AP3B1: variants seen among roughly 807,000 people sequenced by gnomAD.
The protein encoded by AP3B1 is AP-3 complex subunit beta-1.
In AP3B1, 61 loss-of-function variants were observed where a neutral mutation model predicts 132.5. The ratio of observed to expected loss-of-function variants is 0.46; its 90% CI spans 0.37 to 0.57. The LOEUF (loss-of-function observed/expected upper bound fraction) is 0.57. Ranked by LOEUF, AP3B1 falls within the 20% of genes least tolerant of loss-of-function variation. The pLI is 0.00. For missense variants in AP3B1, 1,120 were observed against 1,289.4 expected (o/e 0.87, Z 2.01); for synonymous variants, 388 against 438.3 (o/e 0.89, Z 1.43).
intron 17 of AP3B1, among the ~76,000 whole-genome samples, chr5:78,120,460 G>C (rs1752121426): frequency 6.6e-6 from 1 of 152,206 alleles, no homozygotes. Context: ...CTCACGTGGA[G>C]AGTCACACAT....
chr5:78,041,928 G>T, intron 22 of AP3B1: 1 of 203,176 alleles, frequency 4.9e-6, no homozygotes. Context: ...CTGAGACCAG[G>T]CTTTTCCCAT....
intron 25 of AP3B1, 53 bp from the exon 26 acceptor site, chr5:78,015,601 T>G: frequency 6.3e-7 from 1 of 1,598,376 alleles, no homozygotes; most frequent in East Asian, 2.2e-5. Context: ...GAAAATTACA[T>G]TTACAGAATT....
At position 78,120,657 on chromosome 5, in the gene AP3B1, T is replaced by C. The variant is rs1580373117; in HGVS notation, c.1969-4423A>G. Among the ~76,000 whole-genome samples, 3 of 152,032 alleles carry C rather than the reference T, an allele frequency of 2.0e-5. No homozygotes were observed. The South Asian group carries it at 6.2e-4, about 32-fold the overall frequency. ...AGAAGAGCTAACTATCCTAAATATATATGCACCCAATACAGGAGCACCCAG... is the reference window on the plus strand; with the variant it reads ...AGAAGAGCTAACTATCCTAAATATACATGCACCCAATACAGGAGCACCCAG... On this transcript the variant is annotated intron_variant, in intron 17 of 26. Transcript: ENST00000255194.
intron 17 of AP3B1, among the ~76,000 whole-genome samples, chr5:78,125,351 A>G (rs1561424871): frequency 6.6e-6 from 1 of 152,270 alleles, no homozygotes; most frequent in East Asian, 1.9e-4. Flanking sequence ...TTTGATTAAA[A>G]TATCAGATTA....
In AP3B1 at chr5:78,294,623, C is replaced by A; in HGVS notation, c.-44G>T. 1 of 1,612,652 alleles carries A rather than the reference C, an allele frequency of 6.2e-7. No homozygotes were observed. The highest frequency in any genetic ancestry group is 1.1e-5 in the South Asian group (1 of 91,076). ...TGCGGGGTTGGTCCTGCCGGGGGTTCTCTCCAAAAGGTTCCAGTCCAGAGG... is the reference window on the plus strand; with the variant it reads ...TGCGGGGTTGGTCCTGCCGGGGGTTATCTCCAAAAGGTTCCAGTCCAGAGG... On this transcript the variant is annotated 5_prime_UTR_variant, in exon 1 of 27. Coordinates refer to ENST00000255194, the MANE Select transcript of AP3B1 (RefSeq NM_003664.5).
intron 7 of AP3B1, among the ~76,000 whole-genome samples, chr5:78,193,771 T>TATATATATATA (rs1491367040): frequency 6.4e-5 from 5 of 78,084 alleles, no homozygotes; most frequent in Non-Finnish European, 1.3e-4. Flanking sequence ...TATATATATA[T>TATATATATATA]TTTTTTTTTA....
intron 15 of AP3B1, among the ~76,000 whole-genome samples, chr5:78,138,797 C>G (rs960330230): frequency 1.3e-5 from 2 of 151,596 alleles, no homozygotes; most frequent in African/African-American, 4.8e-5. Context: ...CACGGTGAAA[C>G]CTGTCTCTAC....
intron 26 of AP3B1, among the ~76,000 whole-genome samples, chr5:78,012,587 A>G (rs1746664627): frequency 6.6e-6 from 1 of 152,256 alleles, no homozygotes; most frequent in African/African-American, 2.4e-5. Flanking sequence ...GGACTTGAGA[A>G]GCAAGTTAAG....
chr5:78,205,336 T>G (rs1247403007), intron 7 of AP3B1, among the ~76,000 whole-genome samples: 1 of 151,954 alleles, frequency 6.6e-6, no homozygotes, highest in Admixed American at 6.6e-5. Context: ...GTATAAATCT[T>G]TTGCCTTTTA....
chr5:78,269,428 T>A lies in AP3B1; in HGVS notation c.129-1833A>T, dbSNP rs138049657. Among the ~76,000 whole-genome samples, 104 of 152,264 alleles carry A rather than the reference T, an allele frequency of 6.8e-4. 1 individual carries two copies. The East Asian group carries it at 0.018, about 27-fold the overall frequency. On this transcript the variant is annotated intron_variant, in intron 1 of 26. Transcript: ENST00000255194. ...TATATAACTGAACATTTAAGGCAAA[T>A]CTTACTATTACCAGGAAAGTCATTC...
intron 22 of AP3B1, among the ~76,000 whole-genome samples, chr5:78,084,744 A>C (rs1280992151): frequency 6.6e-6 from 1 of 152,030 alleles, no homozygotes; most frequent in Non-Finnish European, 1.5e-5. Flanking sequence ...AATTAAATAT[A>C]AAACATCCAT....
chr5:78,047,750 C>A (rs948991522), intron 22 of AP3B1, among the ~76,000 whole-genome samples: 3 of 152,194 alleles, frequency 2.0e-5, no homozygotes. Flanking sequence ...AGAAGTGATG[C>A]AAATGATGCT....
intron 12 of AP3B1, among the ~76,000 whole-genome samples, chr5:78,164,220 G>A (rs545145583): frequency 3.5e-4 from 53 of 151,968 alleles, no homozygotes; most frequent in African/African-American, 1.1e-3. Context: ...TACTAAAAGC[G>A]TAACTATGAG....
intron 14 of AP3B1, among the ~76,000 whole-genome samples, chr5:78,150,379 G>A (rs1753592205): frequency 6.6e-6 from 1 of 152,216 alleles, no homozygotes. Flanking sequence ...GATAGGGACA[G>A]AAAAGTATCC....
At chr5:78,085,842 T>C (rs1352600377) in intron 22 of AP3B1, among the ~76,000 whole-genome samples, 1 of 151,926 alleles carries the variant, frequency 6.6e-6, no homozygotes, top group Non-Finnish European at 1.5e-5. Flanking sequence ...TAATCTTACT[T>C]TGAAGAAAAA....
chr5:78,051,152 G>A (rs954483361), intron 22 of AP3B1, among the ~76,000 whole-genome samples: 2 of 152,090 alleles, frequency 1.3e-5, no homozygotes, highest in African/African-American at 2.4e-5. Context: ...GCAAATAAGC[G>A]TGGAATGAGA....
intron 14 of AP3B1, among the ~76,000 whole-genome samples, chr5:78,153,968 A>G (rs1194164001): frequency 1.3e-5 from 2 of 152,214 alleles, no homozygotes; most frequent in Non-Finnish European, 2.9e-5. Flanking sequence ...TATTCAAGAC[A>G]TGAGTACTTC....
chr5:78,071,034 T>C (rs906257471), intron 22 of AP3B1, among the ~76,000 whole-genome samples: 1 of 152,218 alleles, frequency 6.6e-6, no homozygotes, highest in African/African-American at 2.4e-5. Context: ...GAAATACCAT[T>C]TGACCCACCA....
chr5:78,118,219 C>A (rs933191476), intron 17 of AP3B1, among the ~76,000 whole-genome samples: 14 of 152,112 alleles, frequency 9.2e-5, no homozygotes, highest in Non-Finnish European at 1.9e-4. Context: ...CCAAGATGGC[C>A]GAATAGGAAC....
Sources: gnomAD v4.1 joint callset for allele counts (sites outside exome capture counted in the v4.1 genomes callset) on GRCh38, gnomAD v4.1.1 for gene constraint, MANE v1.5 for transcripts, NCBI Gene and HGNC (gene_info 2026-07-23, HGNC 2026-07-21) for gene names.